TMCC1: variants seen among roughly 807,000 people sequenced by gnomAD.
The protein encoded by TMCC1 is transmembrane and coiled-coil domain family 1, also known as transmembrane and coiled-coil domains protein 1.
TMCC1 carries 15 observed loss-of-function variants against 52.4 expected under a neutral mutation model. The observed-to-expected ratio is 0.29, with a 90% CI of 0.19 to 0.44. TMCC1 has a LOEUF of 0.44. Among genes scored for constraint, TMCC1 ranks in the 20% least tolerant of loss-of-function variants. The pLI is 1.00. For missense variants in TMCC1, 503 were observed against 806.0 expected, an observed-to-expected ratio of 0.62 and a Z score of 4.55; for synonymous variants, 279 against 301.9, an observed-to-expected ratio of 0.92 and a Z score of 0.79.
chr3:129,865,339 C>T (rs1045353438), intron 2 of TMCC1, among the ~76,000 whole-genome samples: 2 of 149,878 alleles, frequency 1.3e-5, no homozygotes, highest in Non-Finnish European at 3.0e-5. Context: ...TTTATAGAGA[C>T]GGGGTTTTGC....
At chr3:129,696,165 CA>C (rs2047405390) in intron 4 of TMCC1, among the ~76,000 whole-genome samples, 1 of 152,176 alleles carries the variant, frequency 6.6e-6, no homozygotes, top group Admixed American at 6.5e-5. Context: ...GAATAGGAAA[CA>C]TTTGTCACCT....
intron 1 of TMCC1, among the ~76,000 whole-genome samples, chr3:129,892,125 AATGC>A (rs2061994182): frequency 6.6e-6 from 1 of 152,108 alleles, no homozygotes; most frequent in Non-Finnish European, 1.5e-5. Flanking sequence ...AATCTTAATC[AATGC>A]TCATAATTAT....
At chr3:129,723,776 T>C (rs1237915881) in intron 4 of TMCC1, among the ~76,000 whole-genome samples, 2 of 152,138 alleles carry the variant, frequency 1.3e-5, no homozygotes, top group Non-Finnish European at 2.9e-5. Flanking sequence ...AGTCCTAAAA[T>C]AGCAAATGCC....
intron 2 of TMCC1, among the ~76,000 whole-genome samples, chr3:129,866,473 G>A (rs1470996219): frequency 2.7e-5 from 4 of 149,856 alleles, no homozygotes; most frequent in Admixed American, 6.7e-5. Flanking sequence ...TGCCTCCCGG[G>A]TTCAAGCAAT....
At chr3:129,690,863 A>C (rs2046984770) in intron 4 of TMCC1, among the ~76,000 whole-genome samples, 1 of 152,242 alleles carries the variant, frequency 6.6e-6, no homozygotes, top group Non-Finnish European at 1.5e-5. Flanking sequence ...ACATTTTTAG[A>C]GGTTCCGCCA....
At chr3:129,866,282 CATATATACATAATATATA>C (rs2060630782) in intron 2 of TMCC1, among the ~76,000 whole-genome samples, 1 of 141,036 alleles carries the variant, frequency 7.1e-6, no homozygotes, top group South Asian at 2.1e-4. Context: ...AATATATATA[CATATATACATAATATATA>C]ATATATACAT....
chr3:129,727,490 G>A (rs2050197532), intron 4 of TMCC1, among the ~76,000 whole-genome samples: 6 of 152,146 alleles, frequency 3.9e-5, no homozygotes, highest in Admixed American at 3.9e-4. Context: ...AAAGATGTAA[G>A]TCTATAATCA....
At chr3:129,753,795 GATAT>G (rs1370616518) in intron 4 of TMCC1, among the ~76,000 whole-genome samples, 1 of 152,062 alleles carries the variant, frequency 6.6e-6, no homozygotes, top group Non-Finnish European at 1.5e-5. Flanking sequence ...ACAAAGTAAG[GATAT>G]ATTTTCTCAC....
chr3:129,851,986 C>T (rs188334904), intron 2 of TMCC1, among the ~76,000 whole-genome samples: 1 of 151,664 alleles, frequency 6.6e-6, no homozygotes, highest in East Asian at 1.9e-4. Flanking sequence ...CTTGTCTCCA[C>T]TAAAAATTCA....
chr3:129,803,986 G>A (rs1216174381), intron 4 of TMCC1, among the ~76,000 whole-genome samples: 3 of 152,014 alleles, frequency 2.0e-5, no homozygotes, highest in African/African-American at 4.8e-5. Flanking sequence ...GGTATTCCTT[G>A]CAATCGTTTG....
rs150311197 is a variant in TMCC1, at chr3:129,757,890, T to C, written c.576+69913A>G. Among the ~76,000 whole-genome samples, 293 of 151,774 alleles carry C rather than the reference T, an allele frequency of 1.9e-3. 1 individual carries two copies. Among genetic ancestry groups the C allele is most frequent in the African/African-American group, 6.7e-3 (278 of 41,388 alleles). ...CACTCAAAATCACAACATGACTCCA[T>C]GCATTTGTCCAAACCCACAACTGGA... is the stretch of plus-strand genomic sequence containing the variant. On this transcript the variant is annotated intron_variant, in intron 4 of 6. Coordinates refer to ENST00000393238, the MANE Select transcript of TMCC1 (RefSeq NM_001017395.5).
chr3:129,784,075 G>A (rs2107732079), intron 4 of TMCC1, among the ~76,000 whole-genome samples: 1 of 152,310 alleles, frequency 6.6e-6, no homozygotes, highest in Admixed American at 6.5e-5. Flanking sequence ...GGTGAAGACG[G>A]CAGTGGTAGT....
At chr3:129,806,661 A>G (rs1295092790) in intron 4 of TMCC1, among the ~76,000 whole-genome samples, 1 of 152,228 alleles carries the variant, frequency 6.6e-6, no homozygotes, top group African/African-American at 2.4e-5. Flanking sequence ...CACTTAGTGG[A>G]GAAGAAACTC....
intron 4 of TMCC1, among the ~76,000 whole-genome samples, chr3:129,771,312 G>C (rs539484123): frequency 6.6e-6 from 1 of 152,304 alleles, no homozygotes; most frequent in South Asian, 2.1e-4. Context: ...AATTCAGTTT[G>C]GCTGAATATT....
chr3:129,667,519 G>A (rs756582054), intron 5 of TMCC1, among the ~76,000 whole-genome samples: 6 of 152,086 alleles, frequency 3.9e-5, no homozygotes, highest in Admixed American at 6.6e-5. Context: ...GTCAGATTAC[G>A]TAGTATGTCT....
intron 4 of TMCC1, among the ~76,000 whole-genome samples, chr3:129,787,626 G>A (rs1170792006): frequency 3.9e-5 from 6 of 152,094 alleles, no homozygotes; most frequent in Admixed American, 1.3e-4. Flanking sequence ...ATTATTACAA[G>A]CAATTTGGCA....
At chr3:129,729,698 G>C (rs2050391763) in intron 4 of TMCC1, among the ~76,000 whole-genome samples, 1 of 152,162 alleles carries the variant, frequency 6.6e-6, no homozygotes, top group Non-Finnish European at 1.5e-5. Flanking sequence ...AGTTGAAAGT[G>C]TATTTAATAT....
intron 4 of TMCC1, among the ~76,000 whole-genome samples, chr3:129,826,828 C>T (rs966414621): frequency 4.0e-5 from 6 of 151,486 alleles, no homozygotes; most frequent in African/African-American, 1.5e-4. Flanking sequence ...AGAATGAAAA[C>T]GATCAAACAA....
intron 4 of TMCC1, among the ~76,000 whole-genome samples, chr3:129,733,840 C>T (rs1228959231): frequency 1.3e-5 from 2 of 152,108 alleles, no homozygotes; most frequent in African/African-American, 2.4e-5. Flanking sequence ...CCAACATAAA[C>T]AAATCACTAC....
Sources: allele counts gnomAD v4.1 joint callset (sites outside exome capture counted in the v4.1 genomes callset), GRCh38; gene constraint gnomAD v4.1.1; transcripts MANE v1.5; gene names NCBI Gene and HGNC (gene_info 2026-07-23, HGNC 2026-07-21).